The following ESRRG variants were observed in gnomAD, a reference collection of about 807,000 sequenced individuals.
The protein encoded by ESRRG is estrogen related receptor gamma.
ESRRG carries 13 observed loss-of-function variants against 44.0 expected under a neutral mutation model. The ratio of observed to expected loss-of-function variants is 0.30; its 90% CI spans 0.19 to 0.47. The LOEUF is 0.47. Ranked by LOEUF, ESRRG falls within the 20% of genes least tolerant of loss-of-function variation. The pLI, the probability that ESRRG is intolerant of heterozygous loss-of-function variation, is 1.00. For missense variants in ESRRG, 395 were observed against 580.6 expected, an observed-to-expected ratio of 0.68 and a Z score of 3.29; for synonymous variants, 215 against 214.6, an observed-to-expected ratio of 1.00 and a Z score of -0.02.
In ESRRG at chr1:216,936,604, A is replaced by C. The variant is rs147581774; in HGVS notation, c.-14+2978T>G. ...ATTTTAAACTCCAAGCATGATAGCT[A>C]TGAACAAACTTCATTAAAAATAGTA... On this transcript the variant is annotated intron_variant, in intron 2 of 7. Coordinates refer to the ESRRG transcript ENST00000359162. 86 of 152,260 alleles carry C rather than the reference A, an allele frequency of 5.6e-4. 1 individual carries two copies. Among genetic ancestry groups the C allele is most frequent in the African/African-American group, 2.0e-3 (83 of 41,554 alleles). 9.4% of individuals were successfully genotyped at this position (152,260 alleles called of 1,614,324 possible). A position where few individuals can be genotyped will look rare whatever the true frequency, so the allele number is the denominator to read the frequency against.
upstream of ESRRG, among the ~76,000 whole-genome samples, chr1:216,726,191 G>T (rs765237299): frequency 1.3e-5 from 2 of 152,090 alleles, no homozygotes; most frequent in Non-Finnish European, 2.9e-5. Context: ...CACTGAACTC[G>T]CTGCTTTCTG....
chr1:216,912,163 AAGAAAAGAAAAGAAAAGAAAAGGAG>A (rs2060448281), intron 2 of ESRRG, among the ~76,000 whole-genome samples: 1 of 36,106 alleles, frequency 2.8e-5, no homozygotes, highest in African/African-American at 1.8e-4. Context: ...AAGAAAAGAA[AAGAAAAGAAAAGAAAAGAAAAGGAG>A]AGGAGAGGAG....
intron 1 of ESRRG, among the ~76,000 whole-genome samples, chr1:217,022,453 G>A (rs2080479525): frequency 6.6e-6 from 1 of 152,204 alleles, no homozygotes. Context: ...CAAACGGCAA[G>A]TCGCTCATTT....
At chr1:216,554,746 T>C (rs140427772) in intron 5 of ESRRG, among the ~76,000 whole-genome samples, 144 of 152,228 alleles carry the variant, frequency 9.5e-4, no homozygotes, top group African/African-American at 3.4e-3. Flanking sequence ...GAAAAGAGAA[T>C]AATAAAAATG....
rs953962226 is a variant in ESRRG at position 216,983,041 on chromosome 1, T to G, written c.-105-43368A>C. Among the ~76,000 whole-genome samples the G allele has an allele frequency of 7.2e-5, 11 of 151,804 alleles. No individual in the cohort carries two copies. In the East Asian group the frequency reaches 1.9e-3, roughly 27 times the overall value. ...ACGTGACTTTGAACTGTTTTTTTTT[T>G]TTTTTTTTTTTAACTGTCTAAGCCT... On this transcript the variant is annotated intron_variant, in intron 1 of 7. Coordinates refer to the ESRRG transcript ENST00000359162.
intron 3 of ESRRG, among the ~76,000 whole-genome samples, chr1:216,587,312 A>C (rs1278574034): frequency 6.6e-6 from 1 of 152,222 alleles, no homozygotes; most frequent in Non-Finnish European, 1.5e-5. Context: ...CCCACTCTGA[A>C]CTTTAAAAAG....
intron 2 of ESRRG, among the ~76,000 whole-genome samples, chr1:216,897,485 C>T (rs934542477): frequency 6.6e-6 from 1 of 152,132 alleles, no homozygotes; most frequent in East Asian, 1.9e-4. Context: ...TAAAAGCACA[C>T]ATATTTTTTA....
intron 3 of ESRRG, among the ~76,000 whole-genome samples, chr1:216,593,441 C>T (rs960286187): frequency 2.6e-5 from 4 of 152,202 alleles, no homozygotes; most frequent in African/African-American, 9.6e-5. Flanking sequence ...TGGGCCTTCC[C>T]CATATCCCAA....
At chr1:217,018,409 T>A (rs1042950673) in intron 1 of ESRRG, among the ~76,000 whole-genome samples, 6 of 152,166 alleles carry the variant, frequency 3.9e-5, no homozygotes, top group African/African-American at 1.4e-4. Context: ...AATTTAGATG[T>A]GGCACCTTTC....
intron 1 of ESRRG, among the ~76,000 whole-genome samples, chr1:216,989,088 G>T (rs548083601): frequency 2.4e-4 from 37 of 152,094 alleles, no homozygotes; most frequent in Non-Finnish European, 4.7e-4. Context: ...CTAATGACCT[G>T]TCTGAATATT....
chr1:217,115,305 C>T (rs1037054971), intron 1 of ESRRG, among the ~76,000 whole-genome samples: 4 of 152,108 alleles, frequency 2.6e-5, no homozygotes, highest in African/African-American at 9.7e-5. Context: ...GGCTCCTATG[C>T]GATAAATGTC....
rs1577876882 is a variant in ESRRG, at chr1:216,899,898, C to A, written c.-14+39684G>T. ...GCCCAAAAGGTAGCTGGATTACCTA[C>A]CTGCCAAGTCTCTGGATGTGGAGCC... On this transcript the variant is annotated intron_variant, in intron 2 of 7. Coordinates refer to the ESRRG transcript ENST00000359162. Among the ~76,000 whole-genome samples, 3 of 152,194 alleles carry A rather than the reference C, an allele frequency of 2.0e-5. No homozygotes were observed. The East Asian group carries it at 5.8e-4, about 30-fold the overall frequency.
upstream of ESRRG, among the ~76,000 whole-genome samples, chr1:216,725,271 C>G (rs1041822202): frequency 6.6e-6 from 1 of 152,048 alleles, no homozygotes; most frequent in Non-Finnish European, 1.5e-5. Flanking sequence ...AACTGTGCCT[C>G]AGAATACTGT....
intron 2 of ESRRG, among the ~76,000 whole-genome samples, chr1:216,830,426 C>T (rs544853216): frequency 5.3e-5 from 8 of 152,156 alleles, no homozygotes; most frequent in South Asian, 4.1e-4. Flanking sequence ...GTGTGCACAA[C>T]GCTTGACTAA....
intron 3 of ESRRG, among the ~76,000 whole-genome samples, chr1:216,632,743 TAAGAAAAGGCATCA>T (rs1240130770): frequency 1.3e-5 from 2 of 151,652 alleles, no homozygotes; most frequent in Non-Finnish European, 2.9e-5. Flanking sequence ...AATTCCAGAG[TAAGAAAAGGCATCA>T]AAGAAAAAAA....
intron 1 of ESRRG, among the ~76,000 whole-genome samples, chr1:216,960,279 A>T (rs1052962214): frequency 2.0e-5 from 3 of 152,076 alleles, no homozygotes; most frequent in Non-Finnish European, 4.4e-5. Flanking sequence ...AACAGAATAA[A>T]CTCTCATGGA....
intron 2 of ESRRG, among the ~76,000 whole-genome samples, chr1:216,744,248 G>A (rs2091114344): frequency 6.6e-6 from 1 of 152,068 alleles, no homozygotes; most frequent in Non-Finnish European, 1.5e-5. Context: ...ACTTCTGGGT[G>A]CTAAATCAAT....
chr1:216,975,663 AC>A (rs2072725052), intron 1 of ESRRG, among the ~76,000 whole-genome samples: 1 of 152,334 alleles, frequency 6.6e-6, no homozygotes, highest in African/African-American at 2.4e-5. Flanking sequence ...CTGCATCTCT[AC>A]TTTTAAGTCT....
intron 2 of ESRRG, among the ~76,000 whole-genome samples, chr1:216,671,358 C>T (rs900760226): frequency 6.6e-6 from 1 of 152,128 alleles, no homozygotes. Flanking sequence ...TGAGAAATGG[C>T]TACAGGGAGA....
Sources: allele counts gnomAD v4.1 joint callset (sites outside exome capture counted in the v4.1 genomes callset), GRCh38; gene constraint gnomAD v4.1.1; transcripts MANE v1.5; gene names NCBI Gene and HGNC (gene_info 2026-07-23, HGNC 2026-07-21).